LOXL2: variants seen among roughly 807,000 people sequenced by gnomAD.
The protein encoded by LOXL2 is lysyl oxidase like 2, also known as lysyl oxidase homolog 2.
Under a neutral mutation model 93.0 loss-of-function variants are expected in LOXL2, and 70 were observed. The observed-to-expected ratio is 0.75, with a 90% confidence interval of 0.62 to 0.92. LOXL2 has a LOEUF of 0.92. Among genes scored for constraint, LOXL2 ranks in the 40% least tolerant of loss-of-function variants. LOXL2 has a pLI of 0.00. For synonymous variants in LOXL2, 438 were observed against 413.2 expected (o/e 1.06, Z -0.73); for missense variants, 973 against 1,054.9 (o/e 0.92, Z 1.08).
Position 23,341,183 on chromosome 8 carries a change from C to G in LOXL2, c.552G>C (p.Glu184Asp). The stretch of plus-strand genomic sequence containing the variant: ...AGAGGATGGCTCGAATCCGAATGTC[C>G]TCCACCTGGATATTCAGGTTCTGGG... ...NQIENLNIQV[E>D]DIRIRAILST... Residue 184 changes from glutamate (E) to aspartate (D), a missense_variant, in exon 4 of 14, where the codon GAG becomes GAC. By Grantham distance (45) the Glu-to-Asp change is conservative. Transcript: ENST00000389131. 6.2e-7 allele frequency: 1 copy of G among 1,613,422 alleles called. No individual in the cohort carries two copies. The highest frequency in any genetic ancestry group is 1.1e-5 in the South Asian group (1 of 91,046).
intron 7 of LOXL2, chr8:23,321,908 G>T: frequency 1.8e-6 from 1 of 542,410 alleles, no homozygotes; most frequent in Non-Finnish European, 3.3e-6. Context: ...AAGGAGGCAG[G>T]GCCTTTCCAG....
intron 3 of LOXL2, among the ~76,000 whole-genome samples, chr8:23,357,825 T>C (rs762998238): frequency 3.9e-5 from 6 of 152,208 alleles, no homozygotes; most frequent in Non-Finnish European, 7.3e-5. Flanking sequence ...AATTATTTGC[T>C]TCCATGTGCT....
At chr8:23,298,804 T>C in intron 13 of LOXL2, 32 bp downstream of exon 13, 1 of 1,420,390 alleles carries the variant, frequency 7.0e-7, no homozygotes, top group South Asian at 1.1e-5. Context: ...AGCTCCCGCC[T>C]GCTTCCTGGA....
intron 9 of LOXL2, among the ~76,000 whole-genome samples, chr8:23,314,599 C>T (rs1411160945): frequency 1.3e-5 from 2 of 150,622 alleles, no homozygotes; most frequent in African/African-American, 4.9e-5. Context: ...ACAATGAGAA[C>T]ACACGGACAC....
At chr8:23,371,496 T>C (rs573322594) in intron 1 of LOXL2, among the ~76,000 whole-genome samples, 61 of 152,184 alleles carry the variant, frequency 4.0e-4, no homozygotes, top group South Asian at 1.9e-3. Context: ...CTCACGCCTG[T>C]AATCCCAGCA....
Position 23,380,391 on chromosome 8 carries a change from C to CAA in LOXL2, c.-83-11959_-83-11958dup, listed in dbSNP as rs1219621037. On this transcript the variant is annotated intron_variant, in intron 1 of 13. Transcript: ENST00000389131. ...CTCGTGACAGAGCGAGACTCCGTCT[C>CAA]AAAAAAAAAAAAAAAAAAAAGACAT... Among the ~76,000 whole-genome samples the CAA allele has an allele frequency of 3.6e-3, 198 of 54,338 alleles. 1 individual carries two copies. In the South Asian group the frequency reaches 0.053, roughly 15 times the overall value. 35.6% of individuals were successfully genotyped at this position (54,338 alleles called of 152,430 possible). A position where few individuals can be genotyped will look rare whatever the true frequency, so the allele number is the denominator to read the frequency against.
chr8:23,310,008 ACCGC>A, intron 9 of LOXL2, 97 bp from the exon 10 acceptor site: 1 of 1,313,754 alleles, frequency 7.6e-7, no homozygotes, highest in Non-Finnish European at 1.0e-6. Context: ...TCTCCTGCCT[ACCGC>A]CACCTTCTGG....
chr8:23,326,645 C>G (rs1803581353), intron 6 of LOXL2, among the ~76,000 whole-genome samples: 1 of 152,074 alleles, frequency 6.6e-6, no homozygotes, highest in African/African-American at 2.4e-5. Flanking sequence ...TCCAAGCTAC[C>G]TGGGAGGCTG....
In LOXL2 at chr8:23,301,991, C is replaced by T. The variant is rs1803140201; in HGVS notation, c.2133+36G>A. 2.5e-6 allele frequency: 4 copies of T among 1,612,368 alleles called. No homozygotes were observed. The African/African-American group carries it at 4.0e-5, about 16-fold the overall frequency. The stretch of plus-strand genomic sequence containing the variant: ...CTGTGGAGGTGGCCTCCCCTCCTCC[C>T]CCTGCAGGGCTGGAACCCCTTCCCA... On this transcript the variant is annotated intron_variant, in intron 12 of 13. Coordinates refer to ENST00000389131, the MANE Select transcript of LOXL2 (RefSeq NM_002318.3).
chr8:23,330,628 T>C (rs909444587), intron 5 of LOXL2, among the ~76,000 whole-genome samples: 2 of 152,046 alleles, frequency 1.3e-5, no homozygotes, highest in Non-Finnish European at 2.9e-5. Flanking sequence ...GCTCGCTCTG[T>C]TTTAATTGGT....
intron 1 of LOXL2, among the ~76,000 whole-genome samples, chr8:23,402,047 C>T (rs1053552720): frequency 6.6e-6 from 1 of 152,166 alleles, no homozygotes; most frequent in Non-Finnish European, 1.5e-5. Flanking sequence ...CGTGCACACA[C>T]ATACACACAA....
At chr8:23,386,822 G>A (rs1804769629) in intron 1 of LOXL2, among the ~76,000 whole-genome samples, 2 of 152,220 alleles carry the variant, frequency 1.3e-5, no homozygotes, top group African/African-American at 4.8e-5. Flanking sequence ...GGAGAATCAG[G>A]CCAAGGATCT....
chr8:23,379,154 A>T (rs1354921353), intron 1 of LOXL2, among the ~76,000 whole-genome samples: 1 of 152,222 alleles, frequency 6.6e-6, no homozygotes, highest in Non-Finnish European at 1.5e-5. Context: ...TCCTTCTAAC[A>T]GTCAGGACCC....
intron 1 of LOXL2, among the ~76,000 whole-genome samples, chr8:23,379,959 C>G (rs1031161334): frequency 1.0e-4 from 15 of 149,964 alleles, no homozygotes; most frequent in Admixed American, 2.6e-4. Flanking sequence ...ACCCCACTGT[C>G]CTACGAGCCC....
chr8:23,301,401 C>T (rs1290390642), intron 12 of LOXL2, among the ~76,000 whole-genome samples: 1 of 152,192 alleles, frequency 6.6e-6, no homozygotes, highest in African/African-American at 2.4e-5. Context: ...GCTGGCCTTC[C>T]ACCCAGAGTA....
intron 5 of LOXL2, among the ~76,000 whole-genome samples, chr8:23,329,567 T>A (rs1803640017): frequency 6.6e-6 from 1 of 152,218 alleles, no homozygotes; most frequent in Non-Finnish European, 1.5e-5. Flanking sequence ...CTCACCTGCA[T>A]GCATGCTGCA....
Position 23,315,815 on chromosome 8 carries a change from T to C in LOXL2, c.1636+1134A>G, listed in dbSNP as rs145495100. ...AGCACCTGTCTATCTTTCATCTGTT[T>C]TTATTTTATGCTATCTTGAATTGTA... On this transcript the variant is annotated intron_variant, in intron 9 of 13. Coordinates refer to ENST00000389131, the MANE Select transcript of LOXL2 (RefSeq NM_002318.3). 3.1e-3 allele frequency among the ~76,000 whole-genome samples: 478 copies of C among 152,354 alleles called. 4 individuals are homozygous for C. The highest frequency in any genetic ancestry group is 0.011 in the African/African-American group (453 of 41,588).
In LOXL2 at chr8:23,333,249, G is replaced by A. The variant is rs2294131; in HGVS notation, c.966+152C>T. ...CTCCCCCAGGTGGTCCTTCTCTGCA[G>A]AGGGCGCTCAGGTCTCAGAGTAAAG... On this transcript the variant is annotated intron_variant, in intron 5 of 13. Transcript: ENST00000389131. 6 of 677,732 alleles carry A rather than the reference G, an allele frequency of 8.9e-6. No individual in the cohort carries two copies. In the African/African-American group the frequency reaches 1.1e-4, roughly 12 times the overall value. The allele number at this position is 677,732 out of a possible 1,614,324, so 42.0% of individuals were successfully genotyped here.
Position 23,345,936 on chromosome 8 carries a change from C to T in LOXL2, c.532-4733G>A, listed in dbSNP as rs188539563. On this transcript the variant is annotated intron_variant, in intron 3 of 13. Coordinates refer to ENST00000389131, the MANE Select transcript of LOXL2 (RefSeq NM_002318.3). ...ACAAAAAATTAGCCAGGCATGGTGG[C>T]GGGCGCCTGTAGTCCCAGCTACTCG... 5.3e-3 allele frequency among the ~76,000 whole-genome samples: 809 copies of T among 151,572 alleles called. 47 individuals carry two copies. In the East Asian group the frequency reaches 0.13, roughly 24 times the overall value.
Sources: allele counts gnomAD v4.1 joint callset (sites outside exome capture counted in the v4.1 genomes callset), GRCh38; gene constraint gnomAD v4.1.1; transcripts MANE v1.5; gene names NCBI Gene and HGNC (gene_info 2026-07-23, HGNC 2026-07-21).